The following RIN3 variants were observed in gnomAD, a reference collection of about 807,000 sequenced individuals.
RIN3 encodes the protein RAB5 interacting protein 3.
RIN3 carries 54 observed loss-of-function variants against 76.3 expected under a neutral mutation model. The ratio of observed to expected loss-of-function variants is 0.71; its 90% confidence interval spans 0.57 to 0.89. The LOEUF (loss-of-function observed/expected upper bound fraction) is 0.89, where lower values mean the gene tolerates loss of function less well. RIN3 is among the 40% of genes least tolerant of loss of function. The pLI, the probability that RIN3 is intolerant of heterozygous loss-of-function variation, is 0.00. For missense variants in RIN3, 1,256 were observed against 1,322.1 expected, an observed-to-expected ratio of 0.95 and a Z score of 0.78; for synonymous variants, 576 against 564.0, an observed-to-expected ratio of 1.02 and a Z score of -0.30.
At chr14:92,607,550 A>T (rs1885571345) in intron 3 of RIN3, among the ~76,000 whole-genome samples, 1 of 152,218 alleles carries the variant, frequency 6.6e-6, no homozygotes, top group South Asian at 2.1e-4. Context: ...TTGAGGTTGC[A>T]GTGAGCCGTG....
At chr14:92,660,922 C>T (rs1259530571) in intron 7 of RIN3, among the ~76,000 whole-genome samples, 1 of 152,212 alleles carries the variant, frequency 6.6e-6, no homozygotes. Context: ...GACTGTGTAC[C>T]TGGACACGGC....
Position 92,688,320 on chromosome 14 carries a change from C to G in RIN3, c.*68C>G. The G allele has an allele frequency of 7.2e-7, 1 of 1,380,622 alleles. No homozygotes were observed. The highest frequency in any genetic ancestry group is 1.4e-5 in the South Asian group (1 of 69,608). The allele number at this position is 1,380,622 out of a possible 1,614,324, so 85.5% of individuals were successfully genotyped here. On this transcript the variant is annotated 3_prime_UTR_variant, in exon 10 of 10. Coordinates refer to ENST00000216487, the MANE Select transcript of RIN3 (RefSeq NM_024832.5). ...GGCCCCGCCTCTGGCTGCGCACTCCCGACCGCGACGTCCACGCAGCAGAGG... is the reference window on the plus strand; with the variant it reads ...GGCCCCGCCTCTGGCTGCGCACTCCGGACCGCGACGTCCACGCAGCAGAGG...
intron 1 of RIN3, among the ~76,000 whole-genome samples, chr14:92,555,416 C>T (rs1315352426): frequency 6.6e-6 from 1 of 152,190 alleles, no homozygotes; most frequent in Non-Finnish European, 1.5e-5. Context: ...GCACTGCCTA[C>T]TGTTGACAGT....
chr14:92,539,872 T>A (rs943662), intron 1 of RIN3, among the ~76,000 whole-genome samples: 2 of 151,894 alleles, frequency 1.3e-5, no homozygotes, highest in African/African-American at 2.4e-5. Context: ...GCCATGAGCC[T>A]TCAACCACAG....
intron 7 of RIN3, among the ~76,000 whole-genome samples, chr14:92,674,916 A>G (rs1888409153): frequency 6.6e-6 from 1 of 150,856 alleles, no homozygotes; most frequent in Non-Finnish European, 1.5e-5. Flanking sequence ...GGGAAAAGAA[A>G]GTTGCCTCCT....
intron 1 of RIN3, among the ~76,000 whole-genome samples, chr14:92,524,476 G>A (rs778448038): frequency 7.2e-5 from 11 of 152,156 alleles, no homozygotes; most frequent in South Asian, 2.1e-4. Flanking sequence ...GACAGCACAG[G>A]CCTGTTCTGA....
intron 1 of RIN3, chr14:92,515,129 G>T (rs368801153): frequency 4.6e-6 from 3 of 654,836 alleles, no homozygotes; most frequent in East Asian, 5.5e-5. Flanking sequence ...AGATCTGAAC[G>T]TCTCCCTTCC....
At position 92,566,635 on chromosome 14, in the gene RIN3, G is replaced by A. The variant is rs376652405; in HGVS notation, c.249+10680G>A. On this transcript the variant is annotated intron_variant, in intron 2 of 9. Coordinates refer to ENST00000216487, the MANE Select transcript of RIN3 (RefSeq NM_024832.5). ...GACTGGTTCCTGGGGAGCTAACTCAGTAAGTATCATAGGCAGGGACTATTA... is the reference window on the plus strand; with the variant it reads ...GACTGGTTCCTGGGGAGCTAACTCAATAAGTATCATAGGCAGGGACTATTA... 3.3e-5 allele frequency among the ~76,000 whole-genome samples: 5 copies of A among 152,282 alleles called. No homozygotes were observed. In the South Asian group the frequency reaches 1.0e-3, roughly 32 times the overall value.
intron 7 of RIN3, among the ~76,000 whole-genome samples, chr14:92,669,562 C>T (rs1888218043): frequency 6.6e-6 from 1 of 152,120 alleles, no homozygotes; most frequent in South Asian, 2.1e-4. Context: ...CAGTCATGAG[C>T]CTCCTGCTGC....
chr14:92,622,609 C>G (rs1488744853), intron 4 of RIN3, among the ~76,000 whole-genome samples: 1 of 152,190 alleles, frequency 6.6e-6, no homozygotes, highest in African/African-American at 2.4e-5. Flanking sequence ...TAACGCAGAC[C>G]CTGTTCCTGT....
At chr14:92,619,635 G>C (rs1479691801) in intron 4 of RIN3, among the ~76,000 whole-genome samples, 2 of 151,984 alleles carry the variant, frequency 1.3e-5, no homozygotes, top group Non-Finnish European at 2.9e-5. Flanking sequence ...CATCATGTTA[G>C]CCAGGATGGT....
intron 1 of RIN3, chr14:92,515,092 G>C: frequency 3.4e-6 from 2 of 593,004 alleles, no homozygotes; most frequent in South Asian, 4.0e-5. Flanking sequence ...AGCTGGGAGG[G>C]ACTGGGAGGG....
chr14:92,608,561 G>A (rs1216130314), intron 3 of RIN3, among the ~76,000 whole-genome samples: 2 of 150,702 alleles, frequency 1.3e-5, no homozygotes, highest in Non-Finnish European at 3.0e-5. Flanking sequence ...TTGAGACAGA[G>A]TCTCACTCTG....
intron 3 of RIN3, among the ~76,000 whole-genome samples, chr14:92,594,186 A>ACAGC (rs1885078343): frequency 6.6e-6 from 1 of 152,074 alleles, no homozygotes; most frequent in Non-Finnish European, 1.5e-5. Context: ...TAATCCCAGC[A>ACAGC]CTTTGGGAGG....
At chr14:92,543,745 G>A (rs1897178774) in intron 1 of RIN3, among the ~76,000 whole-genome samples, 1 of 150,440 alleles carries the variant, frequency 6.6e-6, no homozygotes, top group Admixed American at 6.7e-5. Flanking sequence ...ACCACACCCG[G>A]CTAATTTTTT....
chr14:92,558,424 A>G (rs1897662318), intron 2 of RIN3, among the ~76,000 whole-genome samples: 1 of 152,252 alleles, frequency 6.6e-6, no homozygotes, highest in Admixed American at 6.5e-5. Context: ...AATGCTTAGT[A>G]ATTCCAGGCT....
chr14:92,526,973 T>G (rs191580987), intron 1 of RIN3, among the ~76,000 whole-genome samples: 4 of 152,036 alleles, frequency 2.6e-5, no homozygotes, highest in African/African-American at 9.6e-5. Context: ...GGCTCGTGGC[T>G]GTACCTCTCC....
intron 3 of RIN3, among the ~76,000 whole-genome samples, chr14:92,593,243 G>A (rs1307820537): frequency 1.3e-5 from 2 of 152,100 alleles, no homozygotes; most frequent in Non-Finnish European, 2.9e-5. Flanking sequence ...AAAAAGAGTG[G>A]AAGACAAAAG....
At chr14:92,572,543 C>T (rs561755346) in intron 2 of RIN3, among the ~76,000 whole-genome samples, 2 of 152,318 alleles carry the variant, frequency 1.3e-5, no homozygotes, top group East Asian at 3.9e-4. Context: ...ATCTGATGGT[C>T]GCCTGACATT....
Sources: allele counts gnomAD v4.1 joint callset (sites outside exome capture counted in the v4.1 genomes callset), GRCh38; gene constraint gnomAD v4.1.1; transcripts MANE v1.5; gene names NCBI Gene and HGNC (gene_info 2026-07-23, HGNC 2026-07-21).